CNTN6: variants seen among roughly 807,000 people sequenced by gnomAD.
CNTN6 encodes the protein contactin-6.
In CNTN6, 137 loss-of-function variants were observed where a neutral mutation model predicts 122.8. That is an observed-to-expected ratio of 1.12 (90% CI 0.97 to 1.29). The LOEUF is 1.29. CNTN6 is among the 50% of genes most tolerant of loss of function. The pLI is 0.00. For missense variants in CNTN6, 1,634 were observed against 1,223.4 expected, an observed-to-expected ratio of 1.34 and a Z score of -5.01; for synonymous variants, 570 against 426.0, an observed-to-expected ratio of 1.34 and a Z score of -4.16.
chr3:1,386,549 G>C (rs1002009903), intron 20 of CNTN6, among the ~76,000 whole-genome samples: 1 of 152,050 alleles, frequency 6.6e-6, no homozygotes, highest in African/African-American at 2.4e-5. Flanking sequence ...TCCATAATAC[G>C]AGGCACAGCA....
chr3:1,395,889 T>C (rs1694926940), intron 20 of CNTN6, among the ~76,000 whole-genome samples: 1 of 152,172 alleles, frequency 6.6e-6, no homozygotes, highest in African/African-American at 2.4e-5. Context: ...ACACAAATGC[T>C]TAGAAAGGTT....
At position 1,393,886 on chromosome 3, in the gene CNTN6, A is replaced by C. The variant is rs553529173; in HGVS notation, c.2705-7547A>C. On this transcript the variant is annotated intron_variant, in intron 20 of 22. Transcript: ENST00000446702. Reference sequence around the variant, plus strand: ...TTGAGATTTTCTGTATGATATATACATATATATATTCACATCTCACTACTA... The same window carrying C: ...TTGAGATTTTCTGTATGATATATACCTATATATATTCACATCTCACTACTA... Among the ~76,000 whole-genome samples, 4 of 152,274 alleles carry C rather than the reference A, an allele frequency of 2.6e-5. No homozygotes were observed. In the South Asian group the frequency reaches 8.3e-4, roughly 32 times the overall value.
intron 1 of CNTN6, among the ~76,000 whole-genome samples, chr3:1,103,594 AAAAG>A (rs1458251829): frequency 6.6e-6 from 1 of 152,232 alleles, no homozygotes; most frequent in African/African-American, 2.4e-5. Flanking sequence ...TTCTCATAGA[AAAAG>A]AGAGACTGGA....
At chr3:1,239,151 A>G (rs1444299882) in intron 4 of CNTN6, among the ~76,000 whole-genome samples, 1 of 152,190 alleles carries the variant, frequency 6.6e-6, no homozygotes, top group Non-Finnish European at 1.5e-5. Flanking sequence ...TCAACATAGT[A>G]CTGGAAGTCC....
intron 2 of CNTN6, among the ~76,000 whole-genome samples, chr3:1,179,025 G>A (rs982111407): frequency 2.0e-5 from 3 of 152,160 alleles, no homozygotes; most frequent in African/African-American, 4.8e-5. Flanking sequence ...AAGAAGCACG[G>A]TGCCAACATC....
intron 2 of CNTN6, among the ~76,000 whole-genome samples, chr3:1,203,558 C>T (rs2125441157): frequency 6.6e-6 from 1 of 152,306 alleles, no homozygotes; most frequent in South Asian, 2.1e-4. Context: ...ACGGTCTTAG[C>T]TTTCCGAAGA....
chr3:1,308,143 C>G (rs1352707020), intron 7 of CNTN6, among the ~76,000 whole-genome samples: 1 of 152,118 alleles, frequency 6.6e-6, no homozygotes. Flanking sequence ...TACTGACTCA[C>G]ATATAATTAT....
At chr3:1,187,270 T>A (rs1265561070) in intron 2 of CNTN6, among the ~76,000 whole-genome samples, 2 of 151,506 alleles carry the variant, frequency 1.3e-5, no homozygotes, top group African/African-American at 4.9e-5. Context: ...GTTCTATCCA[T>A]ACATACTTTT....
chr3:1,218,951 C>T (rs2094167054), intron 2 of CNTN6, among the ~76,000 whole-genome samples: 1 of 152,028 alleles, frequency 6.6e-6, no homozygotes, highest in Admixed American at 6.6e-5. Context: ...GGAACTCTCT[C>T]TTGTATCAGA....
chr3:1,278,919 A>G (rs548145994), intron 5 of CNTN6, among the ~76,000 whole-genome samples: 61 of 152,318 alleles, frequency 4.0e-4, no homozygotes, highest in Non-Finnish European at 5.3e-4. Flanking sequence ...GTTTTGTTGT[A>G]AATGTTAAAT....
At chr3:1,313,837 T>G (rs1699735646) in intron 7 of CNTN6, among the ~76,000 whole-genome samples, 2 of 152,094 alleles carry the variant, frequency 1.3e-5, no homozygotes, top group Admixed American at 6.6e-5. Flanking sequence ...GACTTAGTGT[T>G]TGGTGAGATG....
intron 7 of CNTN6, among the ~76,000 whole-genome samples, chr3:1,310,938 T>C (rs542689302): frequency 4.6e-5 from 7 of 152,080 alleles, no homozygotes; most frequent in African/African-American, 1.7e-4. Context: ...GAGGCAGAAG[T>C]TGCTGTGAGC....
At chr3:1,361,458 C>T in intron 12 of CNTN6, among the ~76,000 whole-genome samples, 1 of 152,154 alleles carries the variant, frequency 6.6e-6, no homozygotes, top group East Asian at 1.9e-4. Flanking sequence ...GGGTGCAATA[C>T]TAATTAAATG....
At chr3:1,283,225 G>A (rs1327972091) in intron 5 of CNTN6, among the ~76,000 whole-genome samples, 1 of 152,108 alleles carries the variant, frequency 6.6e-6, no homozygotes, top group Non-Finnish European at 1.5e-5. Flanking sequence ...AAAGTCCTGG[G>A]ATCACCGGTG....
At chr3:1,242,913 C>T (rs528527410) in intron 4 of CNTN6, among the ~76,000 whole-genome samples, 1 of 151,216 alleles carries the variant, frequency 6.6e-6, no homozygotes, top group East Asian at 1.9e-4. Flanking sequence ...GTTATGGAGG[C>T]AAGGGAAACA....
intron 17 of CNTN6, among the ~76,000 whole-genome samples, chr3:1,379,185 C>CA (rs11401528): frequency 0.4 from 60,359 of 151,900 alleles, 13,043 homozygotes; most frequent in African/African-American, 0.58. Flanking sequence ...CATGAATTAC[C>CA]AAAGAATACT....
chr3:1,098,791 T>C (rs1972054), intron 1 of CNTN6, among the ~76,000 whole-genome samples: 1,739 of 70,394 alleles, frequency 0.025, 11 homozygotes, highest in African/African-American at 0.081. Flanking sequence ...CACACACACA[T>C]ATATATATAT....
At chr3:1,314,501 T>C (rs1699825722) in intron 7 of CNTN6, among the ~76,000 whole-genome samples, 1 of 152,132 alleles carries the variant, frequency 6.6e-6, no homozygotes, top group South Asian at 2.1e-4. Context: ...ATACAAGCTT[T>C]CTCAAATAGC....
In CNTN6 at chr3:1,352,316, C is replaced by A. The variant is rs538083784; in HGVS notation, c.1365-8C>A. 1 of 1,500,594 alleles carries A rather than the reference C, an allele frequency of 6.7e-7. No individual in the cohort carries two copies. Among genetic ancestry groups the A allele is most frequent in the East Asian group, 2.4e-5 (1 of 42,078 alleles). 93.0% of individuals were successfully genotyped at this position (1,500,594 alleles called of 1,614,324 possible). On this transcript the variant is annotated splice_polypyrimidine_tract_variant and splice_region_variant and intron_variant, in intron 11 of 22. Transcript: ENST00000446702. ...CTTACTTCTATTAATGATGTATTTT[C>A]TTTTTAGAATATTTCTCTTGGAGGA...
Sources: gnomAD v4.1 joint callset for allele counts (sites outside exome capture counted in the v4.1 genomes callset) on GRCh38, gnomAD v4.1.1 for gene constraint, MANE v1.5 for transcripts, NCBI Gene and HGNC (gene_info 2026-07-23, HGNC 2026-07-21) for gene names.